The following FARS2 variants were observed in gnomAD, a reference collection of about 807,000 sequenced individuals.
FARS2 encodes phenylalanine--tRNA ligase, mitochondrial.
In FARS2, 40 loss-of-function variants were observed where a neutral mutation model predicts 46.4. The observed-to-expected ratio is 0.86, with a 90% CI of 0.67 to 1.12. The LOEUF (loss-of-function observed/expected upper bound fraction) is 1.12. FARS2 is among the 50% of genes most tolerant of loss of function. The pLI, the probability that FARS2 is intolerant of heterozygous loss-of-function variation, is 0.00. For missense variants in FARS2, 513 were observed against 567.9 expected (o/e 0.90, Z 0.98); for synonymous variants, 234 against 214.9 (o/e 1.09, Z -0.78).
chr6:5,255,080 A>G, the FARS2 span, among the ~76,000 whole-genome samples: 1 of 152,150 alleles, frequency 6.6e-6, no homozygotes, highest in Non-Finnish European at 1.5e-5. Context: ...TGCTGACCAC[A>G]GCTACCTTCC....
At chr6:5,650,480 A>C (rs1452103231) in intron 6 of FARS2, among the ~76,000 whole-genome samples, 1 of 152,272 alleles carries the variant, frequency 6.6e-6, no homozygotes, top group African/African-American at 2.4e-5. Flanking sequence ...AAATTGCGGC[A>C]TGGTGAGCTT....
At chr6:5,308,501 T>C (rs975428758) in intron 1 of FARS2, among the ~76,000 whole-genome samples, 2 of 152,252 alleles carry the variant, frequency 1.3e-5, no homozygotes, top group Non-Finnish European at 2.9e-5. Context: ...TCTAATCTGC[T>C]GTACACTGAT....
At chr6:5,252,118 GAA>G in the FARS2 span, among the ~76,000 whole-genome samples, 239 of 152,306 alleles carry the variant, frequency 1.6e-3, 1 homozygote, top group Non-Finnish European at 2.1e-3. Flanking sequence ...TACCACTCAT[GAA>G]ACTAGGGAGC....
chr6:5,572,319 G>T (rs978670149), intron 5 of FARS2, among the ~76,000 whole-genome samples: 1 of 151,902 alleles, frequency 6.6e-6, no homozygotes, highest in Non-Finnish European at 1.5e-5. Context: ...GGGGTGGGGA[G>T]GTGCCACACA....
intron 5 of FARS2, among the ~76,000 whole-genome samples, chr6:5,569,196 A>G (rs1471864621): frequency 2.0e-5 from 3 of 151,872 alleles, no homozygotes; most frequent in Non-Finnish European, 4.4e-5. Context: ...CTGGAGAAGA[A>G]GATGATGAGT....
At chr6:5,254,047 T>C in the FARS2 span, among the ~76,000 whole-genome samples, 1 of 152,224 alleles carries the variant, frequency 6.6e-6, no homozygotes, top group Non-Finnish European at 1.5e-5. Flanking sequence ...TTTGGTTGTC[T>C]GCTCCACTAG....
intron 6 of FARS2, among the ~76,000 whole-genome samples, chr6:5,667,323 G>T (rs371975070): frequency 9.6e-4 from 146 of 152,174 alleles, no homozygotes; most frequent in African/African-American, 3.2e-3. Flanking sequence ...TTCGAGACCA[G>T]CCTGGCCAAT....
At chr6:5,424,562 A>C (rs1762742930) in intron 3 of FARS2, among the ~76,000 whole-genome samples, 1 of 152,242 alleles carries the variant, frequency 6.6e-6, no homozygotes, top group Non-Finnish European at 1.5e-5. Flanking sequence ...GCTGCTTGTT[A>C]TATAACAAAG....
chr6:5,492,538 G>A (rs1447298629), intron 4 of FARS2, among the ~76,000 whole-genome samples: 1 of 152,150 alleles, frequency 6.6e-6, no homozygotes, highest in Non-Finnish European at 1.5e-5. Context: ...AATTCTACCA[G>A]CAATATAATC....
intron 6 of FARS2, among the ~76,000 whole-genome samples, chr6:5,733,636 A>T (rs1760782255): frequency 6.6e-6 from 1 of 152,160 alleles, no homozygotes; most frequent in South Asian, 2.1e-4. Context: ...GCTCAAGAAC[A>T]TGTAAGGATT....
chr6:5,409,997 T>C (rs940151258), intron 3 of FARS2, among the ~76,000 whole-genome samples: 4 of 152,136 alleles, frequency 2.6e-5, no homozygotes, highest in Admixed American at 1.3e-4. Context: ...CCTGGGCCCA[T>C]CTGATGAACT....
chr6:5,284,245 TTA>T, intron 1 of FARS2, among the ~76,000 whole-genome samples: 1 of 152,218 alleles, frequency 6.6e-6, no homozygotes. Context: ...GAGGTTGGAC[TTA>T]TATGGAGTGC....
Position 5,605,161 on chromosome 6 carries a change from C to A in FARS2, c.1066-8008C>A, listed in dbSNP as rs537527201. ...AGTCATAATCGTGCCCCCTACTCCC[C>A]TAAAAAAGATATATCACTACAGACC... is the stretch of plus-strand genomic sequence containing the variant. On this transcript the variant is annotated intron_variant, in intron 5 of 6. Transcript: ENST00000274680. 2.0e-3 allele frequency among the ~76,000 whole-genome samples: 308 copies of A among 152,246 alleles called. 1 individual carries two copies. The highest frequency in any genetic ancestry group is 4.1e-4 in the Non-Finnish European group (28 of 68,012).
At chr6:5,286,549 G>A (rs1232533614) in intron 1 of FARS2, among the ~76,000 whole-genome samples, 1 of 152,118 alleles carries the variant, frequency 6.6e-6, no homozygotes, top group African/African-American at 2.4e-5. Context: ...GTGAGCCACT[G>A]TGCCTGACCA....
At chr6:5,432,938 C>T (rs1763313649) in intron 4 of FARS2, among the ~76,000 whole-genome samples, 1 of 152,134 alleles carries the variant, frequency 6.6e-6, no homozygotes, top group South Asian at 2.1e-4. Flanking sequence ...CTTTTAGGTA[C>T]TCTCCATCTG....
intron 6 of FARS2, among the ~76,000 whole-genome samples, chr6:5,655,109 A>C (rs900353121): frequency 6.6e-6 from 1 of 152,166 alleles, no homozygotes; most frequent in Non-Finnish European, 1.5e-5. Context: ...CAAAGGTTAC[A>C]TGTGAATTTT....
chr6:5,314,883 G>A (rs1769337159), intron 1 of FARS2, among the ~76,000 whole-genome samples: 1 of 146,970 alleles, frequency 6.8e-6, no homozygotes, highest in African/African-American at 2.6e-5. Context: ...TTGGAGAAAT[G>A]TGAGGCAAAT....
At chr6:5,702,791 C>T (rs1418776392) in intron 6 of FARS2, among the ~76,000 whole-genome samples, 1 of 152,118 alleles carries the variant, frequency 6.6e-6, no homozygotes, top group Non-Finnish European at 1.5e-5. Flanking sequence ...TTTTCCTTTC[C>T]CTTTCATGCC....
chr6:5,565,695 A>G (rs1342758077), intron 5 of FARS2, among the ~76,000 whole-genome samples: 7 of 152,220 alleles, frequency 4.6e-5, no homozygotes, highest in Non-Finnish European at 1.0e-4. Context: ...ATTGGACATC[A>G]TTTCGGCAAT....
Sources: allele counts gnomAD v4.1 joint callset (sites outside exome capture counted in the v4.1 genomes callset), GRCh38; gene constraint gnomAD v4.1.1; transcripts MANE v1.5; gene names NCBI Gene and HGNC (gene_info 2026-07-23, HGNC 2026-07-21).